The following AGAP1 variants were observed in gnomAD, a reference collection of about 807,000 sequenced individuals.
AGAP1 encodes arf-GAP with GTPase, ANK repeat and PH domain-containing protein 1.
A neutral mutation model predicts 105.3 loss-of-function variants in AGAP1; 29 were observed. The observed-to-expected ratio is 0.28, with a 90% CI of 0.21 to 0.38. The LOEUF (loss-of-function observed/expected upper bound fraction) is 0.38, where lower values mean the gene tolerates loss of function less well. AGAP1 is among the 10% of genes least tolerant of loss of function. The probability of loss-of-function intolerance (pLI) is 1.00; values close to 1 mark genes in which losing one functional copy is unlikely to be tolerated. For missense variants in AGAP1, 998 were observed against 1,165.1 expected (o/e 0.86, Z 2.09); for synonymous variants, 509 against 485.9 (o/e 1.05, Z -0.63).
intron 13 of AGAP1, among the ~76,000 whole-genome samples, chr2:235,996,663 G>A (rs1323229969): frequency 6.6e-6 from 1 of 152,210 alleles, no homozygotes; most frequent in Non-Finnish European, 1.5e-5. Flanking sequence ...AAGGAGAGAG[G>A]CTGGAGCACA....
rs1307801968 is a variant in AGAP1, at chr2:235,566,361, G to GA, written c.163+71512_163+71513insA. 1.3e-5 allele frequency among the ~76,000 whole-genome samples: 2 copies of GA among 152,118 alleles called. No homozygotes were observed. Among genetic ancestry groups the GA allele is most frequent in the Non-Finnish European group, 2.9e-5 (2 of 68,036 alleles). On this transcript the variant is annotated intron_variant, in intron 1 of 17. Transcript: ENST00000304032. This position sits in a 1 kb window ranked among gnomAD's most constrained non-coding sequence, Gnocchi z 5.2. ...TGGGATTACAGATATAAGCCATCAC[G>GA]CCCGGCCTTGTATTATTTTTCAATG...
At chr2:235,595,289 T>A (rs1328667272) in intron 1 of AGAP1, among the ~76,000 whole-genome samples, 1 of 152,094 alleles carries the variant, frequency 6.6e-6, no homozygotes, top group Admixed American at 6.6e-5. Flanking sequence ...GAGCTGACTC[T>A]TAGAAAGGCA....
Position 235,736,948 on chromosome 2 carries a change from G to A in AGAP1, c.311-4015G>A, listed in dbSNP as rs1952290973. ...TAAAATGGTGCAAGTGGTGGTGCCT[G>A]CAGAGTACCAGCTTGTTGCCAACGA... is the stretch of plus-strand genomic sequence containing the variant. On this transcript the variant is annotated intron_variant, in intron 3 of 17. Transcript: ENST00000304032. The surrounding 1 kb of genome is among the most constrained non-coding windows in gnomAD (Gnocchi z 5.5). Among the ~76,000 whole-genome samples, 1 of 152,330 alleles carries A rather than the reference G, an allele frequency of 6.6e-6. No individual in the cohort carries two copies. The highest frequency in any genetic ancestry group is 1.5e-5 in the Non-Finnish European group (1 of 68,026).
At chr2:235,968,972 G>A (rs1461935211) in intron 13 of AGAP1, among the ~76,000 whole-genome samples, 3 of 152,292 alleles carry the variant, frequency 2.0e-5, no homozygotes, top group Admixed American at 6.5e-5. Context: ...GCCATGCTGC[G>A]TGACTCTGCT....
rs531297628 is a variant in AGAP1, at chr2:235,879,265, C to T, written c.1051-4080C>T. ...GCTGAGCATGGGGTAGTGCTCCAGC[C>T]ACTGAAAGAAAAGTGCACCTGCCCC... On this transcript the variant is annotated intron_variant, in intron 9 of 17. Transcript: ENST00000304032. This position sits in a 1 kb window ranked among gnomAD's most constrained non-coding sequence, Gnocchi z 5.0. 6.6e-6 allele frequency among the ~76,000 whole-genome samples: 1 copy of T among 152,316 alleles called. No homozygotes were observed. The highest frequency in any genetic ancestry group is 2.1e-4 in the South Asian group (1 of 4,826).
At chr2:236,019,914 C>T (rs1040144250) in intron 13 of AGAP1, among the ~76,000 whole-genome samples, 2 of 152,254 alleles carry the variant, frequency 1.3e-5, no homozygotes, top group Non-Finnish European at 2.9e-5. Context: ...TGGGTCCCCA[C>T]TGTGAGAGGC....
intron 6 of AGAP1, among the ~76,000 whole-genome samples, chr2:235,776,726 C>T (rs1056209371): frequency 6.6e-6 from 1 of 152,162 alleles, no homozygotes; most frequent in African/African-American, 2.4e-5. Flanking sequence ...GGGCCCTCCC[C>T]CTTCCCCTTG....
rs555234968 is a variant in AGAP1 at position 236,109,479 on chromosome 2, A to G, written c.2115-10713A>G. ...GATAGGGAAGAAGAGGAGGAAGGAA[A>G]AACTGAGATGATCTAGATCCGTGCA... On this transcript the variant is annotated intron_variant, in intron 16 of 17. Transcript: ENST00000304032. This position sits in a 1 kb window ranked among gnomAD's most constrained non-coding sequence, Gnocchi z 5.4. Among the ~76,000 whole-genome samples, 9 of 152,326 alleles carry G rather than the reference A, an allele frequency of 5.9e-5. No homozygotes were observed. In the South Asian group the frequency reaches 1.9e-3, roughly 32 times the overall value.
chr2:235,991,205 T>C (rs1242426024), intron 13 of AGAP1, among the ~76,000 whole-genome samples: 1 of 152,254 alleles, frequency 6.6e-6, no homozygotes, highest in Non-Finnish European at 1.5e-5. Context: ...GGAGAAGTAT[T>C]TTATGTCTCA....
chr2:235,656,779 T>G (rs1367292250), intron 1 of AGAP1, among the ~76,000 whole-genome samples: 1 of 152,176 alleles, frequency 6.6e-6, no homozygotes, highest in Non-Finnish European at 1.5e-5. Flanking sequence ...TGCTGAGAAT[T>G]AAAAAGAAAA....
At chr2:236,031,439 G>C (rs1207281856) in intron 13 of AGAP1, among the ~76,000 whole-genome samples, 2 of 152,268 alleles carry the variant, frequency 1.3e-5, no homozygotes, top group Non-Finnish European at 2.9e-5. Context: ...CAGGAGCCTG[G>C]AGCCAGCCTT....
intron 9 of AGAP1, among the ~76,000 whole-genome samples, chr2:235,850,026 G>A (rs1032300350): frequency 1.1e-4 from 17 of 152,188 alleles, no homozygotes; most frequent in African/African-American, 3.9e-4. Context: ...GAGGAGCATT[G>A]ATGCCTCCTG....
rs769810185 is a variant in AGAP1 at position 236,080,416 on chromosome 2, A to C, written c.2114+31135A>C. 6.6e-6 allele frequency among the ~76,000 whole-genome samples: 1 copy of C among 152,198 alleles called. No homozygotes were observed. The highest frequency in any genetic ancestry group is 2.4e-5 in the African/African-American group (1 of 41,450). ...AATAAGGACGTCAGTTTGCAACCAGACAAGTTTAGAGGCCTGTGGAATTCC... is the reference window on the plus strand; with the variant it reads ...AATAAGGACGTCAGTTTGCAACCAGCCAAGTTTAGAGGCCTGTGGAATTCC... On this transcript the variant is annotated intron_variant, in intron 16 of 17. Coordinates refer to ENST00000304032, the MANE Select transcript of AGAP1 (RefSeq NM_001037131.3). This position sits in a 1 kb window ranked among gnomAD's most constrained non-coding sequence, Gnocchi z 4.2.
intron 1 of AGAP1, among the ~76,000 whole-genome samples, chr2:235,649,904 C>G (rs942914335): frequency 1.3e-5 from 2 of 152,164 alleles, no homozygotes; most frequent in African/African-American, 4.8e-5. Context: ...TGTGGAGTGC[C>G]TTTTATACCA....
chr2:235,671,537 G>A (rs1948429661), intron 1 of AGAP1, among the ~76,000 whole-genome samples: 1 of 152,226 alleles, frequency 6.6e-6, no homozygotes, highest in South Asian at 2.1e-4. Flanking sequence ...CCATCTGTCA[G>A]TGTTGTGATG....
At chr2:235,991,073 AAACTGAGT>A (rs1345398033) in intron 13 of AGAP1, among the ~76,000 whole-genome samples, 2 of 152,170 alleles carry the variant, frequency 1.3e-5, no homozygotes, top group African/African-American at 4.8e-5. Context: ...TGGCCACCTT[AAACTGAGT>A]ACTTGTTTGT....
At position 236,073,854 on chromosome 2, in the gene AGAP1, C is replaced by T. The variant is rs979368625; in HGVS notation, c.2114+24573C>T. On this transcript the variant is annotated intron_variant, in intron 16 of 17. Transcript: ENST00000304032. The surrounding 1 kb of genome is among the most constrained non-coding windows in gnomAD (Gnocchi z 5.4). ...AATCTGCAGGAGACCTGCAGCCCCC[C>T]ACCAGACCCCCAGAATCACACTATG... Among the ~76,000 whole-genome samples the T allele has an allele frequency of 1.3e-5, 2 of 152,156 alleles. No homozygotes were observed. Among genetic ancestry groups the T allele is most frequent in the African/African-American group, 4.8e-5 (2 of 41,448 alleles).
At chr2:236,100,809 A>C (rs115007661) in intron 16 of AGAP1, among the ~76,000 whole-genome samples, 2,186 of 151,990 alleles carry the variant, frequency 0.014, 56 homozygotes, top group African/African-American at 0.05. Flanking sequence ...CACCCTGGGC[A>C]ACACAGTAAG....
At chr2:236,085,635 C>G (rs1452666772) in intron 16 of AGAP1, among the ~76,000 whole-genome samples, 1 of 152,218 alleles carries the variant, frequency 6.6e-6, no homozygotes, top group African/African-American at 2.4e-5. Context: ...TCCAGACAGC[C>G]TTTACCGTTC....
Sources: allele counts gnomAD v4.1 joint callset (sites outside exome capture counted in the v4.1 genomes callset), GRCh38; gene constraint gnomAD v4.1.1; non-coding constraint Gnocchi (gnomAD v3.1); transcripts MANE v1.5; gene names NCBI Gene and HGNC (gene_info 2026-07-23, HGNC 2026-07-21).